Variants in IFI16 observed in about 807,000 individuals in gnomAD.
IFI16 encodes gamma-interferon-inducible protein 16.
Under a neutral mutation model 68.4 loss-of-function variants are expected in IFI16, and 49 were observed. The observed-to-expected ratio is 0.72, with a 90% confidence interval of 0.57 to 0.91. The LOEUF (loss-of-function observed/expected upper bound fraction) is 0.91, where lower values mean the gene tolerates loss of function less well. Ranked by LOEUF, IFI16 falls within the 40% of genes least tolerant of loss-of-function variation. IFI16 has a pLI of 0.00. For missense variants in IFI16, 878 were observed against 942.9 expected (o/e 0.93, Z 0.90); for synonymous variants, 307 against 315.0 (o/e 0.97, Z 0.27).
intron 7 of IFI16, among the ~76,000 whole-genome samples, chr1:159,039,990 G>A (rs766508134): frequency 2.0e-5 from 3 of 152,158 alleles, no homozygotes; most frequent in Non-Finnish European, 4.4e-5. Flanking sequence ...CCAATTTGGT[G>A]CTATCTTAAA....
chr1:159,019,190 A>G (rs1653131399), intron 5 of IFI16, among the ~76,000 whole-genome samples: 1 of 152,040 alleles, frequency 6.6e-6, no homozygotes, highest in East Asian at 1.9e-4. Context: ...AAATGGAACA[A>G]TTGGGAAATA....
intron 7 of IFI16, among the ~76,000 whole-genome samples, chr1:159,037,879 A>G (rs1336379446): frequency 6.6e-6 from 1 of 150,768 alleles, no homozygotes; most frequent in East Asian, 1.9e-4. Flanking sequence ...TGCACAGAAC[A>G]TAAAATAACA....
At chr1:159,007,738 C>T (rs1477326879), upstream of IFI16, among the ~76,000 whole-genome samples, 1 of 151,936 alleles carries the variant, frequency 6.6e-6, no homozygotes, top group Non-Finnish European at 1.5e-5. Context: ...AGGTGAGGAC[C>T]CTGCATAAAT....
intron 9 of IFI16, among the ~76,000 whole-genome samples, chr1:159,050,095 A>G (rs1347451438): frequency 3.3e-5 from 5 of 152,254 alleles, no homozygotes; most frequent in Non-Finnish European, 7.3e-5. Context: ...GTATGTATAT[A>G]CAAAGAGTCT....
intron 7 of IFI16, among the ~76,000 whole-genome samples, chr1:159,039,828 GAAAATTACAT>G (rs1431203235): frequency 6.6e-6 from 1 of 152,202 alleles, no homozygotes. Context: ...AGACTTCACA[GAAAATTACAT>G]AAACCCCATC....
chr1:159,033,903 C>A (rs1654162227), intron 7 of IFI16, among the ~76,000 whole-genome samples: 2 of 151,986 alleles, frequency 1.3e-5, no homozygotes, highest in African/African-American at 4.8e-5. Context: ...TATTAAATAT[C>A]TGAATGACAG....
At position 159,049,609 on chromosome 1, in the gene IFI16, C is replaced by T. The variant is rs766402368; in HGVS notation, c.1665+10C>T. 9.3e-6 allele frequency: 15 copies of T among 1,610,776 alleles called. No homozygotes were observed. The highest frequency in any genetic ancestry group is 1.3e-5 in the Non-Finnish European group (15 of 1,178,860). ...CAGTTTCTTAACCACGGTACAAGTT[C>T]CCTCTTCCCAATACATTCCCCTCGC... On this transcript the variant is annotated intron_variant, in intron 9 of 11. Transcript: ENST00000295809.
upstream of IFI16, chr1:159,006,087 T>A (rs1234047059): frequency 6.6e-6 from 1 of 152,086 alleles, no homozygotes; most frequent in Non-Finnish European, 1.5e-5. Flanking sequence ...CAGCCAGGAG[T>A]GGTCTGCCTC....
chr1:159,044,926 A>G (rs1269211052), intron 7 of IFI16, among the ~76,000 whole-genome samples: 1 of 151,808 alleles, frequency 6.6e-6, no homozygotes, highest in Non-Finnish European at 1.5e-5. Context: ...AATTGATGAG[A>G]AAGGCCTAGT....
chr1:159,047,435 GTCTC>G (rs1292522010), intron 8 of IFI16, among the ~76,000 whole-genome samples: 1 of 146,616 alleles, frequency 6.8e-6, no homozygotes, highest in Non-Finnish European at 1.5e-5. Context: ...CAGGCCCACT[GTCTC>G]TCTGTTACTG....
At chr1:159,006,204 CAA>C (rs952942430), upstream of IFI16, among the ~76,000 whole-genome samples, 12 of 152,212 alleles carry the variant, frequency 7.9e-5, no homozygotes, top group African/African-American at 2.9e-4. Context: ...AGCCAGTGGC[CAA>C]AGAGACGGCT....
chr1:159,024,040 C>A (rs1187112230), intron 6 of IFI16, among the ~76,000 whole-genome samples: 1 of 152,206 alleles, frequency 6.6e-6, no homozygotes, highest in Admixed American at 6.5e-5. Flanking sequence ...AGGAGACCGT[C>A]CGAGTGGAAA....
At chr1:159,023,539 T>G (rs555808197) in intron 6 of IFI16, among the ~76,000 whole-genome samples, 2 of 152,362 alleles carry the variant, frequency 1.3e-5, no homozygotes, top group East Asian at 3.9e-4. Flanking sequence ...TTGGCACTTC[T>G]CATAGGACCT....
rs199662306 is a variant in IFI16, at chr1:159,047,151, G to A, written c.1497+1687G>A. 1.9e-4 allele frequency among the ~76,000 whole-genome samples: 28 copies of A among 151,232 alleles called. 2 individuals carry two copies. The highest frequency in any genetic ancestry group is 3.9e-4 in the East Asian group (2 of 5,168). ...AAGATTTACATTACTATTCTCCAAT[G>A]TTGTTTCTCACCCAAGCCCCAAGCT... On this transcript the variant is annotated intron_variant, in intron 8 of 11. Coordinates refer to ENST00000295809, the MANE Select transcript of IFI16 (RefSeq NM_001376587.1).
At chr1:159,032,073 AG>A (rs1230425666) in intron 6 of IFI16, among the ~76,000 whole-genome samples, 2 of 152,270 alleles carry the variant, frequency 1.3e-5, no homozygotes, top group Non-Finnish European at 2.9e-5. Context: ...AATGTGCAAT[AG>A]GTCCTATTGC....
intron 4 of IFI16, 71 bp downstream of exon 4, chr1:159,016,771 C>T (rs16841500): frequency 0.052 from 70,509 of 1,357,896 alleles, 2,159 homozygotes; most frequent in Middle Eastern, 0.059. Flanking sequence ...TCACCGGTTA[C>T]TTAAAAATTG....
chr1:159,044,178 C>T lies in IFI16; in HGVS notation c.1330-1119C>T, dbSNP rs537991644. Among the ~76,000 whole-genome samples, 40 of 152,228 alleles carry T rather than the reference C, an allele frequency of 2.6e-4. 1 individual carries two copies. Among genetic ancestry groups the T allele is most frequent in the South Asian group, 1.9e-3 (9 of 4,828 alleles). On this transcript the variant is annotated intron_variant, in intron 7 of 11. Coordinates refer to ENST00000295809, the MANE Select transcript of IFI16 (RefSeq NM_001376587.1). ...ACCATAAAAAAATGCTATGGCTAGT[C>T]CCATCTCACATGTGGGAAAACTGAG...
At chr1:159,022,339 AT>A (rs1653388687) in intron 6 of IFI16, among the ~76,000 whole-genome samples, 1 of 152,160 alleles carries the variant, frequency 6.6e-6, no homozygotes, top group African/African-American at 2.4e-5. Flanking sequence ...TAGCATTTGA[AT>A]ATCAATTTAA....
chr1:159,020,214 T>TA lies in IFI16; in HGVS notation c.973-126dup. ...CTTTCTGCAAAGATGTGGCCTAAGA[T>TA]ATGTGCATATCTGTACTAGGAGTTG... On this transcript the variant is annotated intron_variant, in intron 5 of 11. Coordinates refer to ENST00000295809, the MANE Select transcript of IFI16 (RefSeq NM_001376587.1). 3 of 630,014 alleles carry TA rather than the reference T, an allele frequency of 4.8e-6. No homozygotes were observed. In the Admixed American group the frequency reaches 9.7e-5, roughly 20 times the overall value. The allele number at this position is 630,014 out of a possible 1,614,324, so 39.0% of individuals were successfully genotyped here. A position where few individuals can be genotyped will look rare whatever the true frequency, so the allele number is the denominator to read the frequency against.
Sources: gnomAD v4.1 joint callset for allele counts (sites outside exome capture counted in the v4.1 genomes callset) on GRCh38, gnomAD v4.1.1 for gene constraint, MANE v1.5 for transcripts, NCBI Gene and HGNC (gene_info 2026-07-23, HGNC 2026-07-21) for gene names.